Variants in PRKAA2 observed in about 807,000 individuals in gnomAD.
PRKAA2 encodes protein kinase AMP-activated catalytic subunit alpha 2.
In PRKAA2, 40 loss-of-function variants were observed where a neutral mutation model predicts 56.3. The observed-to-expected ratio is 0.71, with a 90% CI of 0.55 to 0.92. The LOEUF is 0.92. PRKAA2 is among the 40% of genes least tolerant of loss of function. PRKAA2 has a pLI of 0.00. For synonymous variants in PRKAA2, 214 were observed against 234.2 expected (o/e 0.91, Z 0.79); for missense variants, 542 against 686.9 (o/e 0.79, Z 2.36).
intron 1 of PRKAA2, among the ~76,000 whole-genome samples, chr1:56,652,824 A>G (rs978253798): frequency 3.3e-5 from 5 of 152,356 alleles, no homozygotes; most frequent in African/African-American, 1.2e-4. Context: ...CTTACTTTCC[A>G]TTGAAATGCC....
chr1:56,688,594 G>A (rs1015697648), intron 2 of PRKAA2, among the ~76,000 whole-genome samples: 1 of 152,164 alleles, frequency 6.6e-6, no homozygotes, highest in Non-Finnish European at 1.5e-5. Context: ...AGTGAAAACA[G>A]CTTATACAAA....
chr1:56,690,538 T>C (rs976109213), intron 2 of PRKAA2, among the ~76,000 whole-genome samples: 2 of 152,226 alleles, frequency 1.3e-5, no homozygotes, highest in Non-Finnish European at 2.9e-5. Flanking sequence ...TTCCTGATTG[T>C]TTCATAAATG....
intron 1 of PRKAA2, 28 bp from the exon 2 acceptor site, chr1:56,674,353 C>T (rs750412255): frequency 6.6e-7 from 1 of 1,511,686 alleles, no homozygotes; most frequent in East Asian, 2.4e-5. Flanking sequence ...TATGATAGCA[C>T]ATTTTTTTTC....
chr1:56,697,365 T>C (rs185830266), intron 6 of PRKAA2, among the ~76,000 whole-genome samples: 137 of 152,166 alleles, frequency 9.0e-4, no homozygotes, highest in African/African-American at 3.1e-3. Flanking sequence ...TTGGAATATT[T>C]AAATGATGGC....
chr1:56,707,406 A>G lies in PRKAA2; in HGVS notation c.1421-69A>G, dbSNP rs146136590. On this transcript the variant is annotated intron_variant, in intron 8 of 8. Transcript: ENST00000371244. Reference sequence around the variant, plus strand: ...GTGTTTACTTAATATTCTGAATATCATAAATTCATAGGAAGGGCTTGGGCA... The same window carrying G: ...GTGTTTACTTAATATTCTGAATATCGTAAATTCATAGGAAGGGCTTGGGCA... 6 of 1,292,562 alleles carry G rather than the reference A, an allele frequency of 4.6e-6. No homozygotes were observed. The East Asian group carries it at 1.2e-4, about 25-fold the overall frequency. The allele number at this position is 1,292,562 out of a possible 1,614,324, so 80.1% of individuals were successfully genotyped here.
chr1:56,664,213 A>G (rs1460674837), intron 1 of PRKAA2, among the ~76,000 whole-genome samples: 1 of 152,208 alleles, frequency 6.6e-6, no homozygotes, highest in Non-Finnish European at 1.5e-5. Context: ...CAATGATTTC[A>G]CCATACTTCC....
At chr1:56,663,763 CA>C (rs1644012864) in intron 1 of PRKAA2, among the ~76,000 whole-genome samples, 1 of 152,124 alleles carries the variant, frequency 6.6e-6, no homozygotes, top group African/African-American at 2.4e-5. Flanking sequence ...TTTTTTCTTA[CA>C]AATCTGTGAG....
At chr1:56,646,406 T>C (rs528918666) in intron 1 of PRKAA2, among the ~76,000 whole-genome samples, 1 of 152,314 alleles carries the variant, frequency 6.6e-6, no homozygotes, top group East Asian at 1.9e-4. Context: ...CTAAGGTCTG[T>C]CTTCATGGAG....
chr1:56,695,028 G>T (rs934771980), intron 5 of PRKAA2, among the ~76,000 whole-genome samples: 1 of 151,608 alleles, frequency 6.6e-6, no homozygotes, highest in Non-Finnish European at 1.5e-5. Context: ...AGGTTATCTG[G>T]ATCAAAGATG....
At chr1:56,688,338 G>A (rs1441184546) in intron 2 of PRKAA2, among the ~76,000 whole-genome samples, 2 of 152,140 alleles carry the variant, frequency 1.3e-5, no homozygotes, top group Non-Finnish European at 2.9e-5. Context: ...TTATTTAAAA[G>A]TGCTAATTTA....
intron 1 of PRKAA2, among the ~76,000 whole-genome samples, chr1:56,647,927 G>A (rs978641100): frequency 3.3e-5 from 5 of 151,562 alleles, no homozygotes; most frequent in African/African-American, 1.2e-4. Flanking sequence ...CTACTGAGGA[G>A]TCTGAGGCAG....
intron 1 of PRKAA2, among the ~76,000 whole-genome samples, chr1:56,652,189 T>C (rs1643906184): frequency 6.6e-6 from 1 of 151,884 alleles, no homozygotes; most frequent in Non-Finnish European, 1.5e-5. Flanking sequence ...ATTTTTTGTA[T>C]TGTAGTAGAG....
rs1387792955 is a variant in PRKAA2 at position 56,696,007 on chromosome 1, C to A, written c.636C>A (p.Leu212=). 6.2e-7 allele frequency: 1 copy of A among 1,611,586 alleles called. No homozygotes were observed. The highest frequency in any genetic ancestry group is 1.4e-5 in the African/African-American group (1 of 74,056). ...TGTATGCTCTTCTTTGTGGCACCCT[C>A]CCATTTGATGATGAGCATGTACCTA... The part of the protein sequence containing the change: ...VILYALLCGT[L]PFDDEHVPTL... Residue 212 remains leucine (L), a synonymous_variant, in exon 6 of 9, where the codon CTC becomes CTA. Transcript: ENST00000371244.
chr1:56,707,287 G>A (rs1011720757), intron 8 of PRKAA2, among the ~76,000 whole-genome samples, 188 bp from the exon 9 acceptor site: 1 of 152,156 alleles, frequency 6.6e-6, no homozygotes, highest in African/African-American at 2.4e-5. Context: ...CTTGTGATTG[G>A]TAGCGATGTT....
intron 1 of PRKAA2, among the ~76,000 whole-genome samples, chr1:56,661,235 G>A (rs1025871599): frequency 6.6e-6 from 1 of 152,010 alleles, no homozygotes; most frequent in Non-Finnish European, 1.5e-5. Context: ...AGAGTATACT[G>A]GCATCTTTTA....
At chr1:56,660,715 C>A (rs1394539299) in intron 1 of PRKAA2, among the ~76,000 whole-genome samples, 5 of 152,116 alleles carry the variant, frequency 3.3e-5, no homozygotes, top group Admixed American at 3.3e-4. Context: ...GGCAGATACA[C>A]CATCCTGTCA....
intron 1 of PRKAA2, among the ~76,000 whole-genome samples, chr1:56,654,824 A>G (rs1396979999): frequency 6.6e-6 from 1 of 152,104 alleles, no homozygotes; most frequent in Non-Finnish European, 1.5e-5. Flanking sequence ...TGCCTCTGAT[A>G]AATTTTATGT....
intron 6 of PRKAA2, among the ~76,000 whole-genome samples, chr1:56,697,768 G>A (rs1557561107): frequency 6.6e-6 from 1 of 151,750 alleles, no homozygotes; most frequent in Admixed American, 6.6e-5. Context: ...GTCAAGACTA[G>A]CCTGGTCAAC....
In PRKAA2 at chr1:56,714,389, T is replaced by C. The variant is rs1457917926; in HGVS notation, c.*6676T>C. The C allele has an allele frequency of 2.0e-5, 3 of 152,186 alleles. No homozygotes were observed. The highest frequency in any genetic ancestry group is 2.4e-5 in the African/African-American group (1 of 41,458). The allele number at this position is 152,186 out of a possible 1,614,324, so 9.4% of individuals were successfully genotyped here. On this transcript the variant is annotated 3_prime_UTR_variant, in exon 9 of 9. Transcript: ENST00000371244. ...AGCCCTTGTTTAAATACAGGGTTTATATCCCCACATTCAATGTAAATTCCT... is the reference window on the plus strand; with the variant it reads ...AGCCCTTGTTTAAATACAGGGTTTACATCCCCACATTCAATGTAAATTCCT...
Sources: allele counts gnomAD v4.1 joint callset (sites outside exome capture counted in the v4.1 genomes callset), GRCh38; gene constraint gnomAD v4.1.1; transcripts MANE v1.5; gene names NCBI Gene and HGNC (gene_info 2026-07-23, HGNC 2026-07-21).